Variants in PARP14 observed in about 807,000 individuals in gnomAD.
PARP14 encodes poly(ADP-ribose) polymerase family member 14.
A neutral mutation model predicts 154.2 loss-of-function variants in PARP14; 59 were observed. That is an observed-to-expected ratio of 0.38 (90% confidence interval 0.31 to 0.48). PARP14 has a LOEUF of 0.48. PARP14 is among the 20% of genes least tolerant of loss of function. The pLI is 0.98. For synonymous variants in PARP14, 720 were observed against 780.5 expected, an observed-to-expected ratio of 0.92 and a Z score of 1.29; for missense variants, 1,734 against 2,131.6, an observed-to-expected ratio of 0.81 and a Z score of 3.67.
In PARP14 at chr3:122,707,822, TC is replaced by T. The variant is rs1939208283; in HGVS notation, c.3541-367del. Among the ~76,000 whole-genome samples the T allele has an allele frequency of 4.6e-5, 7 of 152,272 alleles. No homozygotes were observed. The South Asian group carries it at 1.5e-3, about 32-fold the overall frequency. Reference sequence around the variant, plus strand: ...CACAGCAAGACCTCATTTAAAAAATTCTTTGAAAATACGATTTTTAATGGCT... The same window carrying T: ...CACAGCAAGACCTCATTTAAAAAATTTTTGAAAATACGATTTTTAATGGCT... On this transcript the variant is annotated intron_variant, in intron 8 of 16. Coordinates refer to ENST00000474629, the MANE Select transcript of PARP14 (RefSeq NM_017554.3).
intron 3 of PARP14, among the ~76,000 whole-genome samples, chr3:122,690,166 T>C (rs1938494371): frequency 6.6e-6 from 1 of 152,212 alleles, no homozygotes; most frequent in African/African-American, 2.4e-5. Context: ...AAGCGTCTAA[T>C]ATTGATGGGA....
chr3:122,693,405 G>C (rs1938601108), intron 4 of PARP14, among the ~76,000 whole-genome samples: 1 of 152,154 alleles, frequency 6.6e-6, no homozygotes, highest in African/African-American at 2.4e-5. Context: ...CAAAATTCCA[G>C]CTCTGCCATT....
chr3:122,689,212 C>T (rs575890866), intron 3 of PARP14, among the ~76,000 whole-genome samples: 1 of 152,226 alleles, frequency 6.6e-6, no homozygotes, highest in African/African-American at 2.4e-5. Context: ...AGCAAGGGCC[C>T]TTTCTGGCTT....
intron 6 of PARP14, 130 bp from the exon 7 acceptor site, chr3:122,703,612 A>G (rs1939054543): frequency 1.6e-6 from 1 of 609,538 alleles, no homozygotes; most frequent in Non-Finnish European, 2.9e-6. Flanking sequence ...TTATGTTGAT[A>G]TTTCAATCAC....
rs781318875 is a variant in PARP14, at chr3:122,704,421, A to G, written c.3319-106A>G. ...CTGATTGCCCTTAATCAGTGTTGACAGCAAAAAGGAGTATTCAAGTTCACA... is the reference window on the plus strand; with the variant it reads ...CTGATTGCCCTTAATCAGTGTTGACGGCAAAAAGGAGTATTCAAGTTCACA... On this transcript the variant is annotated intron_variant, in intron 7 of 16. Coordinates refer to ENST00000474629, the MANE Select transcript of PARP14 (RefSeq NM_017554.3). The G allele has an allele frequency of 6.0e-6, 4 of 668,424 alleles. No individual in the cohort carries two copies. The Admixed American group carries it at 8.1e-5, about 14-fold the overall frequency. 41.4% of individuals were successfully genotyped at this position (668,424 alleles called of 1,614,324 possible). A position where few individuals can be genotyped will look rare whatever the true frequency, so the allele number is the denominator to read the frequency against.
intron 9 of PARP14, among the ~76,000 whole-genome samples, chr3:122,710,246 G>C (rs986600424): frequency 1.3e-5 from 2 of 152,046 alleles, no homozygotes; most frequent in African/African-American, 4.8e-5. Context: ...TGAGGTGAGA[G>C]ATGGGGATCC....
intron 1 of PARP14, among the ~76,000 whole-genome samples, chr3:122,682,900 A>G (rs984555825): frequency 2.0e-5 from 3 of 151,872 alleles, no homozygotes; most frequent in Non-Finnish European, 4.4e-5. Flanking sequence ...AAAACACACA[A>G]AAAAATTAGC....
chr3:122,729,751 G>A lies in PARP14; in HGVS notation c.*1154G>A, dbSNP rs1933380738. 1 of 152,118 alleles carries A rather than the reference G, an allele frequency of 6.6e-6. No individual in the cohort carries two copies. The allele number at this position is 152,118 out of a possible 1,614,324, so 9.4% of individuals were successfully genotyped here. ...TTATAGTGTCTACTCATTGGTCTTTGTTCTGCCCAGTGATAACAATGGGAT... is the reference window on the plus strand; with the variant it reads ...TTATAGTGTCTACTCATTGGTCTTTATTCTGCCCAGTGATAACAATGGGAT... On this transcript the variant is annotated 3_prime_UTR_variant, in exon 17 of 17. Transcript: ENST00000474629.
intron 2 of PARP14, 165 bp from the exon 3 acceptor site, chr3:122,686,915 A>G: frequency 1.9e-6 from 1 of 536,142 alleles, no homozygotes; most frequent in Non-Finnish European, 3.3e-6. Context: ...TTGCAAGTGA[A>G]TATGCCACTA....
intron 9 of PARP14, among the ~76,000 whole-genome samples, chr3:122,709,361 A>G (rs1050992397): frequency 6.6e-6 from 1 of 152,198 alleles, no homozygotes; most frequent in Non-Finnish European, 1.5e-5. Context: ...AGCTCCATCC[A>G]AGTTGCTTCA....
At chr3:122,691,443 G>A (rs968212543) in intron 3 of PARP14, among the ~76,000 whole-genome samples, 3 of 152,176 alleles carry the variant, frequency 2.0e-5, no homozygotes, top group African/African-American at 7.2e-5. Context: ...GCCATTCAGC[G>A]GGCTTCGTAT....
At chr3:122,703,313 T>C (rs758232132) in intron 6 of PARP14, among the ~76,000 whole-genome samples, 5 of 152,206 alleles carry the variant, frequency 3.3e-5, no homozygotes, top group Non-Finnish European at 7.3e-5. Context: ...CAGTGTAACA[T>C]TTCTAGCCTG....
intron 4 of PARP14, among the ~76,000 whole-genome samples, chr3:122,694,413 T>G (rs1938697582): frequency 6.6e-6 from 1 of 152,144 alleles, no homozygotes; most frequent in Non-Finnish European, 1.5e-5. Flanking sequence ...AATAGGCAAT[T>G]TATTTGCTCT....
Position 122,728,564 on chromosome 3 carries a change from A to C in PARP14, c.5373A>C (p.Ala1791=), listed in dbSNP as rs781505210. Residue 1791 remains alanine, a synonymous_variant, in exon 17 of 17, where the codon GCA becomes GCC. Coordinates refer to ENST00000474629, the MANE Select transcript of PARP14 (RefSeq NM_017554.3). ...SLFVAFYDYQ[A]YPEYLITFRK Reference sequence around the variant, plus strand: ...TTGTGGCATTTTATGACTACCAAGCATACCCAGAGTACCTTATTACGTTTA... The same window carrying C: ...TTGTGGCATTTTATGACTACCAAGCCTACCCAGAGTACCTTATTACGTTTA... The C allele has an allele frequency of 2.5e-6, 4 of 1,613,576 alleles. No homozygotes were observed. In the Admixed American group the frequency reaches 6.7e-5, roughly 27 times the overall value.
At position 122,729,356 on chromosome 3, in the gene PARP14, C is replaced by T. The variant is rs10934615; in HGVS notation, c.*759C>T. On this transcript the variant is annotated 3_prime_UTR_variant, in exon 17 of 17. Transcript: ENST00000474629. The stretch of plus-strand genomic sequence containing the variant: ...GTGGCTGTGGTCTAGGGGAATCCTG[C>T]CTGCCCCATGGAGTTGCGCAGCACA... 14,598 of 152,518 alleles carry T rather than the reference C, an allele frequency of 0.096. 980 individuals are homozygous for T. The highest frequency in any genetic ancestry group is 0.35 in the East Asian group (1,827 of 5,150). 9.4% of individuals were successfully genotyped at this position (152,518 alleles called of 1,614,324 possible).
rs1938400107 is a variant in PARP14 at position 122,687,210 on chromosome 3, C to T, written c.355+97C>T. The T allele has an allele frequency of 7.3e-6, 6 of 827,134 alleles. No homozygotes were observed. The Admixed American group carries it at 1.0e-4, about 14-fold the overall frequency. The allele number at this position is 827,134 out of a possible 1,614,324, so 51.2% of individuals were successfully genotyped here. ...GAGTCAGCCCTCTCTTCTTGACTTCCACTATGCAGGATGTGCTCCGCTGGG... is the reference window on the plus strand; with the variant it reads ...GAGTCAGCCCTCTCTTCTTGACTTCTACTATGCAGGATGTGCTCCGCTGGG... On this transcript the variant is annotated intron_variant, in intron 3 of 16. Coordinates refer to ENST00000474629, the MANE Select transcript of PARP14 (RefSeq NM_017554.3).
intron 12 of PARP14, among the ~76,000 whole-genome samples, chr3:122,715,456 C>T (rs749903195): frequency 3.9e-5 from 6 of 152,034 alleles, no homozygotes; most frequent in Admixed American, 1.3e-4. Flanking sequence ...TATAATGTTC[C>T]GAGATGGAAT....
intron 7 of PARP14, 112 bp downstream of exon 7, chr3:122,704,090 A>G: frequency 1.4e-6 from 1 of 730,114 alleles, no homozygotes; most frequent in South Asian, 1.8e-5. Flanking sequence ...TTCCATAATA[A>G]TCACTCTTTT....
chr3:122,713,541 A>G lies in PARP14; in HGVS notation c.3737A>G (p.Asn1246Ser). The change falls in exon 10 of 17, where the codon AAT (asparagine) becomes AGT (serine). Residue 1246 changes from asparagine (N) to serine (S), a missense_variant. This residue lies in a region of PARP14 where 1,646 missense variants were observed against 1,976.0 expected (regional missense o/e 0.83). Transcript: ENST00000474629. ...AAAGAAGAGGCAGATGTGATTGTAA[A>G]TTCAACATCAAACTCATTCAATCTC... The part of the protein sequence containing the change: ...ITKEEADVIV[N>S]STSNSFNLKA... 6.2e-7 allele frequency: 1 copy of G among 1,613,820 alleles called. No homozygotes were observed. Among genetic ancestry groups the G allele is most frequent in the Non-Finnish European group, 8.5e-7 (1 of 1,179,734 alleles).
Sources: allele counts gnomAD v4.1 joint callset (sites outside exome capture counted in the v4.1 genomes callset), GRCh38; gene constraint gnomAD v4.1.1; regional missense constraint gnomAD v4.1.1; transcripts MANE v1.5; gene names NCBI Gene and HGNC (gene_info 2026-07-23, HGNC 2026-07-21).